ZBTB20: variants seen among roughly 807,000 people sequenced by gnomAD.
ZBTB20 encodes the protein zinc finger and BTB domain containing 20.
In ZBTB20, 9 loss-of-function variants were observed where a neutral mutation model predicts 56.9. The ratio of observed to expected loss-of-function variants is 0.16; its 90% confidence interval spans 0.10 to 0.28. The LOEUF is 0.28. ZBTB20 is among the 10% of genes least tolerant of loss of function. The pLI, the probability that ZBTB20 is intolerant of heterozygous loss-of-function variation, is 1.00. For synonymous variants in ZBTB20, 417 were observed against 420.7 expected (o/e 0.99, Z 0.11); for missense variants, 655 against 1,003.0 (o/e 0.65, Z 4.69).
intron 4 of ZBTB20, among the ~76,000 whole-genome samples, chr3:114,829,794 G>C (rs976290947): frequency 1.1e-4 from 17 of 151,968 alleles, no homozygotes; most frequent in Non-Finnish European, 2.1e-4. Context: ...AGAGTCCCCA[G>C]TTCCTAATCT....
rs576538938 is a variant in ZBTB20 at position 114,550,777 on chromosome 3, G to T, written c.-294-50386C>A. On this transcript the variant is annotated intron_variant, in intron 6 of 11. Transcript: ENST00000675478. ...TAGTTTGTTTGTTTTTTGAGACAGG[G>T]TCTCACTCTGTCACCCACGCTGGAG... is the stretch of plus-strand genomic sequence containing the variant. Among the ~76,000 whole-genome samples, 4 of 152,182 alleles carry T rather than the reference G, an allele frequency of 2.6e-5. No homozygotes were observed. In the East Asian group the frequency reaches 5.8e-4, roughly 22 times the overall value.
intron 3 of ZBTB20, among the ~76,000 whole-genome samples, chr3:114,914,300 A>G (rs1258972561): frequency 1.3e-5 from 2 of 151,740 alleles, no homozygotes; most frequent in Admixed American, 6.6e-5. Flanking sequence ...TCTCTTCTTC[A>G]GTTATTTCCT....
At chr3:114,751,761 T>C (rs1326036594) in intron 5 of ZBTB20, among the ~76,000 whole-genome samples, 2 of 152,140 alleles carry the variant, frequency 1.3e-5, no homozygotes, top group East Asian at 3.8e-4. Flanking sequence ...TTAGACATTA[T>C]TTCTATCTAG....
chr3:114,786,978 ATATTT>A (rs1483084897), intron 5 of ZBTB20, among the ~76,000 whole-genome samples: 2 of 151,952 alleles, frequency 1.3e-5, no homozygotes, highest in African/African-American at 4.8e-5. Context: ...ATATGAAAGA[ATATTT>A]TATTTTATTT....
chr3:115,077,095 C>T (rs1436746280), intron 1 of ZBTB20, among the ~76,000 whole-genome samples: 8 of 152,118 alleles, frequency 5.3e-5, no homozygotes, highest in Non-Finnish European at 7.4e-5. Context: ...TGGTCTGCAG[C>T]CTGGGGCGTG....
chr3:115,114,435 T>C (rs1384214976), intron 1 of ZBTB20, among the ~76,000 whole-genome samples: 5 of 152,170 alleles, frequency 3.3e-5, no homozygotes, highest in Admixed American at 1.3e-4. Flanking sequence ...TGGCCAATTA[T>C]GTAAAATACT....
intron 5 of ZBTB20, among the ~76,000 whole-genome samples, chr3:114,758,473 A>C (rs1371824670): frequency 1.3e-5 from 2 of 152,200 alleles, no homozygotes; most frequent in African/African-American, 4.8e-5. Flanking sequence ...GGTCCTAATG[A>C]AAACAGTGTT....
At chr3:114,398,733 G>C (rs898175357) in intron 7 of ZBTB20, among the ~76,000 whole-genome samples, 1 of 152,124 alleles carries the variant, frequency 6.6e-6, no homozygotes, top group Admixed American at 6.6e-5. Context: ...AAAGAAAAAG[G>C]ATATTTTCCT....
intron 3 of ZBTB20, among the ~76,000 whole-genome samples, chr3:114,911,642 G>C (rs1560389896): frequency 6.6e-6 from 1 of 151,594 alleles, no homozygotes; most frequent in Non-Finnish European, 1.5e-5. Flanking sequence ...TCAATACAGG[G>C]CTTCAACAGC....
chr3:114,755,603 C>T (rs2067952813), intron 5 of ZBTB20, among the ~76,000 whole-genome samples: 1 of 151,882 alleles, frequency 6.6e-6, no homozygotes, highest in African/African-American at 2.4e-5. Context: ...AAATTCCCCC[C>T]TTAACTCCCT....
chr3:114,722,996 A>G (rs2065019596), intron 5 of ZBTB20, among the ~76,000 whole-genome samples: 1 of 152,164 alleles, frequency 6.6e-6, no homozygotes, highest in South Asian at 2.1e-4. Context: ...ATCGAAACGT[A>G]GCTCTTTATC....
rs1159159265 is a variant in ZBTB20 at position 114,907,303 on chromosome 3, G to A, written c.-455-6961C>T. 2.6e-5 allele frequency among the ~76,000 whole-genome samples: 4 copies of A among 151,726 alleles called. No homozygotes were observed. In the East Asian group the frequency reaches 5.8e-4, roughly 22 times the overall value. ...AAACTGGTACCAAAAATACTTCATC[G>A]GAAATTCTATTTTCATACTTAGTTG... On this transcript the variant is annotated intron_variant, in intron 3 of 11. Transcript: ENST00000675478.
chr3:114,695,324 A>G (rs1290355812), intron 5 of ZBTB20, among the ~76,000 whole-genome samples: 1 of 151,810 alleles, frequency 6.6e-6, no homozygotes, highest in East Asian at 1.9e-4. Flanking sequence ...TAAAAAAATA[A>G]AAAAAAACAG....
chr3:114,471,441 A>G (rs2040117333), intron 7 of ZBTB20, among the ~76,000 whole-genome samples: 1 of 152,208 alleles, frequency 6.6e-6, no homozygotes, highest in East Asian at 1.9e-4. Flanking sequence ...AAAGATCAAT[A>G]TTAAGATGAT....
chr3:115,092,760 TTGTC>T (rs2083244460), intron 1 of ZBTB20, among the ~76,000 whole-genome samples: 1 of 152,154 alleles, frequency 6.6e-6, no homozygotes, highest in African/African-American at 2.4e-5. Flanking sequence ...TTAAGTCAGT[TTGTC>T]TGACAAATGA....
chr3:114,435,372 A>G (rs1429071610), intron 7 of ZBTB20, among the ~76,000 whole-genome samples: 1 of 152,172 alleles, frequency 6.6e-6, no homozygotes, highest in Non-Finnish European at 1.5e-5. Context: ...TTTGATCTTC[A>G]TACCAACTAC....
intron 7 of ZBTB20, among the ~76,000 whole-genome samples, chr3:114,418,348 T>G (rs2088795808): frequency 6.6e-6 from 1 of 152,054 alleles, no homozygotes; most frequent in Admixed American, 6.6e-5. Flanking sequence ...CTTCTGACAT[T>G]TGACCTGGGA....
At chr3:114,382,824 TCC>T (rs2084551452) in intron 8 of ZBTB20, among the ~76,000 whole-genome samples, 2 of 152,232 alleles carry the variant, frequency 1.3e-5, no homozygotes, top group South Asian at 4.1e-4. Flanking sequence ...CTTTTCTTCT[TCC>T]TTCTCTCCTG....
chr3:114,935,930 T>C (rs1362705868), intron 3 of ZBTB20, among the ~76,000 whole-genome samples: 3 of 152,220 alleles, frequency 2.0e-5, no homozygotes, highest in Non-Finnish European at 4.4e-5. Context: ...CAGATCATAA[T>C]GAGCATCTAT....
Sources: gnomAD v4.1 joint callset for allele counts (sites outside exome capture counted in the v4.1 genomes callset) on GRCh38, gnomAD v4.1.1 for gene constraint, MANE v1.5 for transcripts, NCBI Gene and HGNC (gene_info 2026-07-23, HGNC 2026-07-21) for gene names.